Variants in KIAA0232 observed in about 807,000 individuals in gnomAD.
KIAA0232 encodes the protein KIAA0232.
KIAA0232 carries 27 observed loss-of-function variants against 122.0 expected under a neutral mutation model. That is an observed-to-expected ratio of 0.22 (90% confidence interval 0.16 to 0.31). The LOEUF (loss-of-function observed/expected upper bound fraction) is 0.31. Ranked by LOEUF, KIAA0232 falls within the 10% of genes least tolerant of loss-of-function variation. The pLI, the probability that KIAA0232 is intolerant of heterozygous loss-of-function variation, is 1.00. For missense variants in KIAA0232, 1,551 were observed against 1,634.2 expected (o/e 0.95, Z 0.88); for synonymous variants, 613 against 587.6 (o/e 1.04, Z -0.63).
intron 4 of KIAA0232, among the ~76,000 whole-genome samples, chr4:6,851,951 G>A (rs746188082): frequency 6.6e-6 from 1 of 152,012 alleles, no homozygotes; most frequent in African/African-American, 2.4e-5. Flanking sequence ...GCTAAAGAGC[G>A]GGGTTACCTT....
intron 5 of KIAA0232, 121 bp downstream of exon 5, chr4:6,857,351 T>C: frequency 1.3e-6 from 1 of 755,650 alleles, no homozygotes. Context: ...TTGTGTCCAG[T>C]GTGTGTCACT....
intron 6 of KIAA0232, among the ~76,000 whole-genome samples, chr4:6,858,803 A>T (rs1194773485): frequency 1.3e-5 from 2 of 152,172 alleles, no homozygotes; most frequent in East Asian, 1.9e-4. Flanking sequence ...GCCCTTTGAG[A>T]CAGCTGTGAG....
At chr4:6,816,440 G>A (rs1193960080) in intron 2 of KIAA0232, among the ~76,000 whole-genome samples, 4 of 151,896 alleles carry the variant, frequency 2.6e-5, no homozygotes, top group Admixed American at 6.6e-5. Flanking sequence ...CTGCCACCAC[G>A]CCTGGCTAAT....
Position 6,880,952 on chromosome 4 carries a change from C to T in KIAA0232, c.4174C>T (p.Arg1392Ter), listed in dbSNP as rs369289730. 4.5e-6 allele frequency: 7 copies of T among 1,556,350 alleles called. No individual in the cohort carries two copies. The highest frequency in any genetic ancestry group is 2.7e-5 in the African/African-American group (2 of 72,866). Reference protein sequence around the residue: ...VGPSEEELFSRTHL With the variant: ...VGPSEEELFS The stretch of plus-strand genomic sequence containing the variant: ...CCCTAGTGAAGAGGAGCTCTTTTCT[C>T]GAACTCATCTCTAAACCTGCAAAAT... Residue 1392 changes from arginine (R) to a stop codon, truncating the protein, a stop_gained, in exon 10 of 10, where the codon CGA (arginine) becomes TGA (stop). Coordinates refer to ENST00000307659, the MANE Select transcript of KIAA0232 (RefSeq NM_014743.3). LOFTEE classifies it high-confidence loss of function.
intron 2 of KIAA0232, among the ~76,000 whole-genome samples, chr4:6,815,257 G>A (rs933432900): frequency 2.0e-5 from 3 of 152,158 alleles, no homozygotes; most frequent in Non-Finnish European, 2.9e-5. Context: ...GTCAAAACCA[G>A]CACTGACCCT....
chr4:6,868,010 C>T (rs1721275679), intron 7 of KIAA0232, among the ~76,000 whole-genome samples: 1 of 152,162 alleles, frequency 6.6e-6, no homozygotes, highest in Non-Finnish European at 1.5e-5. Flanking sequence ...GAACAAGGTA[C>T]ATGGAAGTCT....
chr4:6,847,683 A>G (rs1376133935), intron 4 of KIAA0232, among the ~76,000 whole-genome samples: 2 of 152,166 alleles, frequency 1.3e-5, no homozygotes. Flanking sequence ...GCAGTTAGTA[A>G]TGGGGTCTGT....
chr4:6,797,648 C>T (rs1216992901), intron 1 of KIAA0232, among the ~76,000 whole-genome samples: 1 of 151,654 alleles, frequency 6.6e-6, no homozygotes, highest in Non-Finnish European at 1.5e-5. Flanking sequence ...TGCCCATAGT[C>T]CCAGTTACCT....
rs748361911 is a variant in KIAA0232, at chr4:6,862,486, C to T, written c.2104C>T (p.His702Tyr). The stretch of plus-strand genomic sequence containing the variant: ...AAATAGTGCCTTTGAAGAAAATGAA[C>T]ACTGTTCTAATCTTTCAACAAGAAC... The part of the protein sequence containing the change: ...TKNSAFEENE[H>Y]CSNLSTRTCS... The change falls in exon 7 of 10, where the codon CAC becomes TAC. Residue 702 changes from histidine (H) to tyrosine (Y), a missense_variant. This residue lies in a region of KIAA0232 where 1,108 missense variants were observed against 1,154.8 expected (regional missense o/e 0.96). Transcript: ENST00000307659. 1.2e-6 allele frequency: 2 copies of T among 1,614,050 alleles called. No individual in the cohort carries two copies. Among genetic ancestry groups the T allele is most frequent in the East Asian group, 2.2e-5 (1 of 44,864 alleles).
At chr4:6,805,201 C>T (rs1717562230) in intron 2 of KIAA0232, among the ~76,000 whole-genome samples, 1 of 152,140 alleles carries the variant, frequency 6.6e-6, no homozygotes, top group Admixed American at 6.6e-5. Flanking sequence ...CTATAGTTAT[C>T]TTCAGAACCA....
At chr4:6,859,431 G>A (rs1720743644) in intron 6 of KIAA0232, among the ~76,000 whole-genome samples, 1 of 152,132 alleles carries the variant, frequency 6.6e-6, no homozygotes, top group South Asian at 2.1e-4. Context: ...CACTTGAAAT[G>A]GGGCTGGTTC....
intron 2 of KIAA0232, among the ~76,000 whole-genome samples, chr4:6,819,515 G>A (rs1718319064): frequency 6.6e-6 from 1 of 152,176 alleles, no homozygotes; most frequent in South Asian, 2.1e-4. Context: ...GTTCCACATC[G>A]CTGATTATCA....
intron 2 of KIAA0232, among the ~76,000 whole-genome samples, chr4:6,819,978 C>T (rs376064200): frequency 6.6e-6 from 1 of 152,108 alleles, no homozygotes; most frequent in Non-Finnish European, 1.5e-5. Flanking sequence ...GGATAATATC[C>T]TAAGTGAATT....
intron 1 of KIAA0232, among the ~76,000 whole-genome samples, chr4:6,792,797 C>T (rs1481917710): frequency 3.3e-5 from 5 of 150,478 alleles, no homozygotes; most frequent in African/African-American, 4.9e-5. Flanking sequence ...TCACGCCATT[C>T]TCCTGCCTCA....
rs555610112 is a variant in KIAA0232 at position 6,862,898 on chromosome 4, C to T, written c.2516C>T (p.Ala839Val). 1 of 1,614,186 alleles carries T rather than the reference C, an allele frequency of 6.2e-7. No homozygotes were observed. Among genetic ancestry groups the T allele is most frequent in the African/African-American group, 1.3e-5 (1 of 75,042 alleles). The part of the protein sequence containing the change: ...WTKMADTNSV[A>V]TVEIERTDAE... ...AAGATGGCAGACACAAATTCTGTGG[C>T]TACAGTAGAAATAGAAAGAACTGAT... is the stretch of plus-strand genomic sequence containing the variant. Residue 839 changes from alanine (A) to valine (V), a missense_variant, in exon 7 of 10, where the codon GCT becomes GTT. By Grantham distance (64) the Ala-to-Val change is moderately conservative. Transcript: ENST00000307659.
intron 1 of KIAA0232, among the ~76,000 whole-genome samples, chr4:6,801,512 G>C (rs1449563559): frequency 1.3e-5 from 2 of 151,392 alleles, no homozygotes; most frequent in Non-Finnish European, 2.9e-5. Context: ...AATGTAGTGC[G>C]ACCCTATCTC....
chr4:6,783,494 G>T (rs1716455341), intron 1 of KIAA0232, among the ~76,000 whole-genome samples: 1 of 152,202 alleles, frequency 6.6e-6, no homozygotes, highest in African/African-American at 2.4e-5. Context: ...GGTGGGAGGC[G>T]CCCGGCGTCC....
At chr4:6,873,859 A>T (rs879476694) in intron 8 of KIAA0232, among the ~76,000 whole-genome samples, 1 of 152,160 alleles carries the variant, frequency 6.6e-6, no homozygotes, top group African/African-American at 2.4e-5. Context: ...TCTTTAGCTT[A>T]TGTGGGTTGG....
intron 1 of KIAA0232, among the ~76,000 whole-genome samples, chr4:6,802,354 G>A (rs969779233): frequency 1.3e-5 from 2 of 152,196 alleles, no homozygotes; most frequent in Non-Finnish European, 2.9e-5. Context: ...AGGGGCTGAC[G>A]GAGCACTCCC....
Sources: gnomAD v4.1 joint callset for allele counts (sites outside exome capture counted in the v4.1 genomes callset) on GRCh38, gnomAD v4.1.1 for gene constraint, gnomAD v4.1.1 regional missense constraint, MANE v1.5 for transcripts, NCBI Gene and HGNC (gene_info 2026-07-23, HGNC 2026-07-21) for gene names.